NMBR: variants seen among roughly 807,000 people sequenced by gnomAD.
NMBR encodes neuromedin-B receptor.
Under a neutral mutation model 20.5 loss-of-function variants are expected in NMBR, and 16 were observed. The ratio of observed to expected loss-of-function variants is 0.78; its 90% CI spans 0.53 to 1.19. The LOEUF is 1.19. Ranked by LOEUF, NMBR falls within the 50% of genes most tolerant of loss-of-function variation. The pLI is 0.00. For synonymous variants in NMBR, 212 were observed against 196.6 expected (o/e 1.08, Z -0.65); for missense variants, 582 against 499.1 (o/e 1.17, Z -1.58).
intron 2 of NMBR, among the ~76,000 whole-genome samples, chr6:142,083,143 A>G (rs1206090578): frequency 6.6e-6 from 1 of 152,244 alleles, no homozygotes; most frequent in Non-Finnish European, 1.5e-5. Flanking sequence ...AGAAGTGTTC[A>G]AGATCAGTGA....
At chr6:142,131,589 T>C (rs768798453) in intron 1 of NMBR, among the ~76,000 whole-genome samples, 1 of 152,198 alleles carries the variant, frequency 6.6e-6, no homozygotes, top group Non-Finnish European at 1.5e-5. Context: ...CTAAGGATCA[T>C]ATTTTCCTAA....
At chr6:142,140,125 G>A (rs1170193523) in intron 1 of NMBR, among the ~76,000 whole-genome samples, 1 of 151,730 alleles carries the variant, frequency 6.6e-6, no homozygotes, top group Admixed American at 6.6e-5. Flanking sequence ...AATTCAAAAA[G>A]CAAACATAAG....
intron 1 of NMBR, among the ~76,000 whole-genome samples, chr6:142,091,850 C>T (rs1042095886): frequency 2.0e-5 from 3 of 152,046 alleles, no homozygotes; most frequent in Non-Finnish European, 4.4e-5. Context: ...TTTTATTGCC[C>T]TAGTACAGAA....
At chr6:142,145,666 A>T (rs1778419421) in intron 1 of NMBR, among the ~76,000 whole-genome samples, 1 of 152,234 alleles carries the variant, frequency 6.6e-6, no homozygotes, top group African/African-American at 2.4e-5. Context: ...TGGTGGCCTT[A>T]ATCTCAATAG....
chr6:142,129,818 T>TG (rs2114605586), intron 1 of NMBR, among the ~76,000 whole-genome samples: 1 of 152,280 alleles, frequency 6.6e-6, no homozygotes, highest in African/African-American at 2.4e-5. Context: ...AATCCTTTCA[T>TG]AATCCACATA....
At chr6:142,098,525 A>G (rs1008293350) in intron 1 of NMBR, among the ~76,000 whole-genome samples, 1 of 152,216 alleles carries the variant, frequency 6.6e-6, no homozygotes, top group Admixed American at 6.6e-5. Context: ...ACTTTCCTAT[A>G]TACCGTCAAT....
chr6:142,078,481 C>G, intron 3 of NMBR, 74 bp downstream of exon 3: 1 of 830,790 alleles, frequency 1.2e-6, no homozygotes, highest in Non-Finnish European at 1.9e-6. Flanking sequence ...GGATTAAAAG[C>G]CCACAAAATA....
intron 1 of NMBR, among the ~76,000 whole-genome samples, chr6:142,138,510 A>G (rs888837575): frequency 6.6e-6 from 1 of 152,194 alleles, no homozygotes; most frequent in Non-Finnish European, 1.5e-5. Context: ...TAGCAGTGGC[A>G]TGCCAACAGG....
At position 142,075,705 on chromosome 6, in the gene NMBR, C is replaced by T; in HGVS notation, c.1116G>A (p.Met372Ile). The T allele has an allele frequency of 6.2e-7, 1 of 1,613,746 alleles. No homozygotes were observed. Among genetic ancestry groups the T allele is most frequent in the Non-Finnish European group, 8.5e-7 (1 of 1,179,812 alleles). The change falls in exon 4 of 4, where the codon ATG (methionine) becomes ATA (isoleucine). Residue 372 changes from methionine (M) to isoleucine (I), a missense_variant. By Grantham distance (10) the Met-to-Ile change is conservative. Transcript: ENST00000258042. ...MTSLKSNAKN[M>I]VTNSVLLNGH... The stretch of plus-strand genomic sequence containing the variant: ...CATTTAGTAAAACAGAATTGGTCAC[C>T]ATGTTCTTAGCATTGCTTTTCAGAG...
intron 1 of NMBR, among the ~76,000 whole-genome samples, chr6:142,113,380 C>T (rs1777804362): frequency 6.6e-6 from 1 of 152,024 alleles, no homozygotes; most frequent in African/African-American, 2.4e-5. Flanking sequence ...TTTGCTGAAA[C>T]TGCTAAAGGA....
At chr6:142,113,507 T>C (rs1777806150) in intron 1 of NMBR, among the ~76,000 whole-genome samples, 1 of 152,174 alleles carries the variant, frequency 6.6e-6, no homozygotes, top group Admixed American at 6.5e-5. Context: ...TCTCACAAGC[T>C]TTGACTCTTT....
At chr6:142,094,679 T>A (rs1457105405) in intron 1 of NMBR, among the ~76,000 whole-genome samples, 1 of 152,184 alleles carries the variant, frequency 6.6e-6, no homozygotes, top group Admixed American at 6.6e-5. Flanking sequence ...TTTTTTCCAA[T>A]TCTTTGAAGA....
chr6:142,081,257 G>A (rs578032296), intron 2 of NMBR, among the ~76,000 whole-genome samples: 2 of 152,198 alleles, frequency 1.3e-5, no homozygotes, highest in East Asian at 3.9e-4. Flanking sequence ...ATCTTGGGGA[G>A]TAGGATTTCA....
intron 1 of NMBR, among the ~76,000 whole-genome samples, chr6:142,146,140 G>A (rs1778429188): frequency 6.6e-6 from 1 of 152,184 alleles, no homozygotes; most frequent in Non-Finnish European, 1.5e-5. Context: ...CTGAGTTTCA[G>A]GCTGAGTAAA....
chr6:142,106,834 A>T (rs1453496032), intron 1 of NMBR, among the ~76,000 whole-genome samples: 1 of 152,248 alleles, frequency 6.6e-6, no homozygotes, highest in Non-Finnish European at 1.5e-5. Flanking sequence ...TCAAGACAAG[A>T]TGGCCAGAAA....
chr6:142,108,025 T>A (rs1236226401), intron 1 of NMBR, among the ~76,000 whole-genome samples: 1 of 151,452 alleles, frequency 6.6e-6, no homozygotes, highest in Non-Finnish European at 1.5e-5. Context: ...GATTATATAA[T>A]CTGAAAAACA....
At chr6:142,102,597 T>C (rs1777585247) in intron 1 of NMBR, among the ~76,000 whole-genome samples, 2 of 152,180 alleles carry the variant, frequency 1.3e-5, no homozygotes, top group Admixed American at 1.3e-4. Context: ...TAAAGTCTGT[T>C]GTGCAACCAT....
At chr6:142,132,869 G>GCTGA (rs1337323997) in intron 1 of NMBR, among the ~76,000 whole-genome samples, 2 of 152,076 alleles carry the variant, frequency 1.3e-5, no homozygotes, top group Non-Finnish European at 2.9e-5. Flanking sequence ...CTCCTGGCTG[G>GCTGA]CTGGCTGGCT....
At chr6:142,112,428 A>C (rs1003737546) in intron 1 of NMBR, among the ~76,000 whole-genome samples, 3 of 145,644 alleles carry the variant, frequency 2.1e-5, no homozygotes, top group African/African-American at 7.4e-5. Flanking sequence ...TTCAAATATT[A>C]TGAAGTAGAC....
Sources: allele counts gnomAD v4.1 joint callset (sites outside exome capture counted in the v4.1 genomes callset), GRCh38; gene constraint gnomAD v4.1.1; transcripts MANE v1.5; gene names NCBI Gene and HGNC (gene_info 2026-07-23, HGNC 2026-07-21).